The following FOCAD variants were observed in gnomAD, a reference collection of about 807,000 sequenced individuals.
FOCAD encodes the protein focadhesin.
In FOCAD, 198 loss-of-function variants were observed where a neutral mutation model predicts 225.6. The observed-to-expected ratio is 0.88, with a 90% confidence interval of 0.78 to 0.99. The LOEUF (loss-of-function observed/expected upper bound fraction) is 0.99, where lower values mean the gene tolerates loss of function less well. Among genes scored for constraint, FOCAD ranks in the 50% least tolerant of loss-of-function variants. FOCAD has a pLI of 0.00. For missense variants in FOCAD, 2,713 were observed against 2,123.6 expected, an observed-to-expected ratio of 1.28 and a Z score of -5.46; for synonymous variants, 897 against 755.0, an observed-to-expected ratio of 1.19 and a Z score of -3.08.
chr9:20,676,847 A>G (rs1176047161), intron 2 of FOCAD, among the ~76,000 whole-genome samples: 1 of 152,210 alleles, frequency 6.6e-6, no homozygotes, highest in African/African-American at 2.4e-5. Context: ...TACAATCCCT[A>G]AAAAATTTTG....
At chr9:20,769,553 T>C (rs1817973887) in intron 7 of FOCAD, among the ~76,000 whole-genome samples, 1 of 152,192 alleles carries the variant, frequency 6.6e-6, no homozygotes, top group Admixed American at 6.5e-5. Context: ...ATCTGCCAAG[T>C]GTGGAGATGA....
At chr9:20,824,298 G>A (rs1221426607) in intron 15 of FOCAD, among the ~76,000 whole-genome samples, 2 of 152,086 alleles carry the variant, frequency 1.3e-5, no homozygotes, top group African/African-American at 4.8e-5. Flanking sequence ...AGTTTTGAGA[G>A]AAGAAAGAAT....
chr9:20,820,717 G>T (rs1232444919), intron 13 of FOCAD, among the ~76,000 whole-genome samples: 1 of 152,096 alleles, frequency 6.6e-6, no homozygotes, highest in Non-Finnish European at 1.5e-5. Flanking sequence ...TAATTAGGGT[G>T]AGATTTAGCC....
At position 20,728,138 on chromosome 9, in the gene FOCAD, A is replaced by G. The variant is rs548164908; in HGVS notation, c.287+7604A>G. On this transcript the variant is annotated intron_variant, in intron 4 of 43. Transcript: ENST00000338382. ...TGTAGTTGGTAGAGCTTGACTAAAA[A>G]TTAAAAAAAAATTTTTTTTGAATCT... Among the ~76,000 whole-genome samples the G allele has an allele frequency of 1.1e-4, 17 of 152,302 alleles. No homozygotes were observed. The East Asian group carries it at 2.3e-3, about 21-fold the overall frequency.
At chr9:20,944,108 G>T (rs1175786868) in intron 28 of FOCAD, among the ~76,000 whole-genome samples, 1 of 152,194 alleles carries the variant, frequency 6.6e-6, no homozygotes, top group African/African-American at 2.4e-5. Context: ...AATTCCACTT[G>T]TTGAAGTTGA....
At chr9:20,842,993 A>G (rs917630805) in intron 15 of FOCAD, among the ~76,000 whole-genome samples, 3 of 152,014 alleles carry the variant, frequency 2.0e-5, no homozygotes, top group African/African-American at 7.2e-5. Flanking sequence ...ATCTAATAAA[A>G]ACTCTACACT....
At chr9:20,883,647 A>G (rs1830865315) in intron 20 of FOCAD, among the ~76,000 whole-genome samples, 1 of 152,238 alleles carries the variant, frequency 6.6e-6, no homozygotes, top group African/African-American at 2.4e-5. Flanking sequence ...CTTATAAGTA[A>G]TGGATGGATC....
chr9:20,944,932 T>TTCA (rs1837036741), intron 29 of FOCAD, among the ~76,000 whole-genome samples, 158 bp downstream of exon 29: 1 of 152,228 alleles, frequency 6.6e-6, no homozygotes, highest in African/African-American at 2.4e-5. Context: ...TCATAAGGTT[T>TTCA]TCATATTATG....
chr9:20,670,706 A>G (rs1225034477), intron 2 of FOCAD, among the ~76,000 whole-genome samples: 1 of 152,160 alleles, frequency 6.6e-6, no homozygotes, highest in East Asian at 1.9e-4. Context: ...ACACAGCGCC[A>G]AACCATATCA....
chr9:20,936,440 G>T (rs1334908395), intron 28 of FOCAD, among the ~76,000 whole-genome samples: 2 of 152,182 alleles, frequency 1.3e-5, no homozygotes, highest in Non-Finnish European at 2.9e-5. Context: ...GTAGTTATGG[G>T]ATCTTCTTTC....
chr9:20,910,006 T>G (rs1402908663), intron 22 of FOCAD, among the ~76,000 whole-genome samples: 3 of 152,126 alleles, frequency 2.0e-5, no homozygotes, highest in Non-Finnish European at 4.4e-5. Context: ...TCTCCATTAC[T>G]TCCTGGAGGC....
chr9:20,690,666 G>A lies in FOCAD; in HGVS notation c.-33+6373G>A, dbSNP rs1272241276. ...TGGGCTCAAGTGGTACTTCTGCCTT[G>A]CCTCCTGAGTAGCTAGGACTGCAGA... On this transcript the variant is annotated intron_variant, in intron 1 of 43. Coordinates refer to ENST00000338382, the MANE Select transcript of FOCAD (RefSeq NM_001375567.1). 2.0e-5 allele frequency among the ~76,000 whole-genome samples: 3 copies of A among 152,012 alleles called. No homozygotes were observed. In the East Asian group the frequency reaches 5.8e-4, roughly 29 times the overall value.
At chr9:20,750,700 G>T (rs534655243) in intron 5 of FOCAD, among the ~76,000 whole-genome samples, 14 of 152,226 alleles carry the variant, frequency 9.2e-5, no homozygotes, top group African/African-American at 2.9e-4. Flanking sequence ...AAAAATTTCT[G>T]TGGGCTCTTC....
chr9:20,921,119 G>A lies in FOCAD; in HGVS notation c.2853-2541G>A, dbSNP rs139262535. ...TAGGGGTAAGGGAGAGTCAGAACAC[G>A]TATAAAACCTGATGATTGATGTGAA... On this transcript the variant is annotated intron_variant, in intron 24 of 43. Transcript: ENST00000338382. Among the ~76,000 whole-genome samples, 44 of 152,014 alleles carry A rather than the reference G, an allele frequency of 2.9e-4. No homozygotes were observed. In the East Asian group the frequency reaches 8.3e-3, roughly 29 times the overall value.
chr9:20,859,396 G>A (rs1023862692), intron 15 of FOCAD, among the ~76,000 whole-genome samples: 142 of 149,138 alleles, frequency 9.5e-4, no homozygotes, highest in Middle Eastern at 3.5e-3. Flanking sequence ...AAAAAAAAAA[G>A]AAAGAAAGAA....
At chr9:20,769,426 A>G (rs1279275700) in intron 7 of FOCAD, among the ~76,000 whole-genome samples, 1 of 152,322 alleles carries the variant, frequency 6.6e-6, no homozygotes, top group East Asian at 1.9e-4. Flanking sequence ...CAGAATTTTG[A>G]TCAGAACAGC....
intron 15 of FOCAD, among the ~76,000 whole-genome samples, chr9:20,858,639 G>T (rs955808240): frequency 6.6e-6 from 1 of 151,714 alleles, no homozygotes; most frequent in African/African-American, 2.4e-5. Context: ...ACTAATTTTG[G>T]GTTTGATTTG....
intron 11 of FOCAD, among the ~76,000 whole-genome samples, chr9:20,817,217 A>G (rs1197350515): frequency 2.0e-5 from 3 of 152,312 alleles, no homozygotes; most frequent in Admixed American, 2.0e-4. Context: ...TATAATTTAC[A>G]TCTCATGTAA....
At chr9:20,849,745 C>T (rs1359016241) in intron 15 of FOCAD, among the ~76,000 whole-genome samples, 1 of 151,922 alleles carries the variant, frequency 6.6e-6, no homozygotes, top group African/African-American at 2.4e-5. Flanking sequence ...AGATCTTCAA[C>T]TTCACTATGT....
Sources: allele counts gnomAD v4.1 joint callset (sites outside exome capture counted in the v4.1 genomes callset), GRCh38; gene constraint gnomAD v4.1.1; transcripts MANE v1.5; gene names NCBI Gene and HGNC (gene_info 2026-07-23, HGNC 2026-07-21).